The following ZNF419 variants were observed in gnomAD, a reference collection of about 807,000 sequenced individuals.
ZNF419 encodes the protein zinc finger protein 419.
ZNF419 carries 8 observed loss-of-function variants against 14.9 expected under a neutral mutation model. The ratio of observed to expected loss-of-function variants is 0.54; its 90% CI spans 0.32 to 0.97. The LOEUF (loss-of-function observed/expected upper bound fraction) is 0.97, where lower values mean the gene tolerates loss of function less well. ZNF419 is among the 50% of genes least tolerant of loss of function. ZNF419 has a pLI of 0.04. For missense variants in ZNF419, 595 were observed against 607.2 expected, an observed-to-expected ratio of 0.98 and a Z score of 0.21; for synonymous variants, 211 against 205.3, an observed-to-expected ratio of 1.03 and a Z score of -0.24.
chr19:57,488,187 C>T (rs979024065), intron 1 of ZNF419: 26 of 743,016 alleles, frequency 3.5e-5, no homozygotes, highest in Middle Eastern at 7.8e-4. Context: ...CCTGAGGCCT[C>T]CTGGTGTCTG....
intron 2 of ZNF419, chr19:57,491,058 G>GA (rs2089469536): frequency 5.3e-6 from 1 of 189,822 alleles, no homozygotes; most frequent in African/African-American, 2.3e-5. Flanking sequence ...ACTAGGGGAA[G>GA]CACATGAGGT....
At chr19:57,491,080 T>G in intron 2 of ZNF419, 4 of 208,678 alleles carry the variant, frequency 1.9e-5, no homozygotes, top group South Asian at 9.0e-5. Flanking sequence ...ATGTAGAGGG[T>G]AGTGGTTGTG....
intron 1 of ZNF419, 68 bp from the exon 2 acceptor site, chr19:57,490,079 G>A: frequency 6.7e-7 from 1 of 1,486,874 alleles, no homozygotes; most frequent in Non-Finnish European, 9.3e-7. Context: ...CTCCAGGCTA[G>A]ACGAGTGGGC....
intron 2 of ZNF419, 45 bp downstream of exon 2, chr19:57,490,230 C>T (rs568372900): frequency 6.3e-7 from 1 of 1,581,748 alleles, no homozygotes; most frequent in African/African-American, 1.3e-5. Context: ...GCACTCCTAC[C>T]TACATGGTCT....
Position 57,492,969 on chromosome 19 carries a change from A to G in ZNF419, c.412A>G (p.Lys138Glu), listed in dbSNP as rs375291640. Residue 138 changes from lysine to glutamate, a missense_variant, in exon 5 of 5, where the codon AAA (lysine) becomes GAA (glutamate). Physicochemically the swap from Lys to Glu is moderately conservative, Grantham distance 56 (BLOSUM62 1). Transcript: ENST00000221735. ...QKQHCGEKPLKRQEGRVPVLR... is the reference protein window; with the variant it reads ...QKQHCGEKPLERQEGRVPVLR... ...GCAGCACTGTGGAGAGAAACCCTTAAAAAGACAAGAGGGCAGGGTCCCAGT... is the reference window on the plus strand; with the variant it reads ...GCAGCACTGTGGAGAGAAACCCTTAGAAAGACAAGAGGGCAGGGTCCCAGT... The G allele has an allele frequency of 3.1e-6, 5 of 1,614,044 alleles. No homozygotes were observed. The highest frequency in any genetic ancestry group is 2.7e-5 in the African/African-American group (2 of 74,928).
intron 1 of ZNF419, chr19:57,489,892 A>G (rs1170328108): frequency 4.0e-6 from 2 of 500,476 alleles, no homozygotes; most frequent in Non-Finnish European, 7.3e-6. Flanking sequence ...TCCTAGACAC[A>G]TAAGAATGAG....
At chr19:57,492,617 T>C (rs773024755) in intron 4 of ZNF419, 20 of 756,498 alleles carry the variant, frequency 2.6e-5, no homozygotes, top group Admixed American at 3.5e-5. Context: ...GGACACTGCC[T>C]CTCCTCCCTG....
chr19:57,492,572 T>C, intron 4 of ZNF419: 4 of 752,576 alleles, frequency 5.3e-6, no homozygotes, highest in East Asian at 5.0e-5. Context: ...GCAGCCAAAG[T>C]CCTGTGGAAA....
At chr19:57,490,930 GT>G (rs1480954952) in intron 2 of ZNF419, 3 of 161,116 alleles carry the variant, frequency 1.9e-5, no homozygotes, top group African/African-American at 7.2e-5. Flanking sequence ...GGCCTTCAAA[GT>G]GGGGCTGAGG....
chr19:57,490,058 G>T, intron 1 of ZNF419, 89 bp from the exon 2 acceptor site: 3 of 1,267,408 alleles, frequency 2.4e-6, no homozygotes, highest in Non-Finnish European at 3.4e-6. Flanking sequence ...TAGATAGTCA[G>T]GCACACCTGA....
Position 57,495,985 on chromosome 19 carries a change from G to A in ZNF419, c.*1895G>A, listed in dbSNP as rs532605957. The A allele has an allele frequency of 6.6e-6, 1 of 152,130 alleles. No homozygotes were observed. Among genetic ancestry groups the A allele is most frequent in the African/African-American group, 2.4e-5 (1 of 41,514 alleles). 9.4% of individuals were successfully genotyped at this position (152,130 alleles called of 1,614,324 possible). ...GGTTTATATCATTTTTTAATAAAAG[G>A]AACCAGAACTCCTTAGAGAAGAGGC... On this transcript the variant is annotated 3_prime_UTR_variant, in exon 5 of 5. Transcript: ENST00000221735.
At position 57,495,189 on chromosome 19, in the gene ZNF419, G is replaced by A. The variant is rs1415694199; in HGVS notation, c.*1099G>A. ...TTTCTTTTTTAAAATTTAGAGATGA[G>A]GTCGTGCTATGTTGCACAGACTAGT... is the stretch of plus-strand genomic sequence containing the variant. On this transcript the variant is annotated 3_prime_UTR_variant, in exon 5 of 5. Coordinates refer to ENST00000221735, the MANE Select transcript of ZNF419 (RefSeq NM_024691.4). 3 of 152,118 alleles carry A rather than the reference G, an allele frequency of 2.0e-5. No individual in the cohort carries two copies. The highest frequency in any genetic ancestry group is 7.2e-5 in the African/African-American group (3 of 41,488). The allele number at this position is 152,118 out of a possible 1,614,324, so 9.4% of individuals were successfully genotyped here.
In ZNF419 at chr19:57,493,479, A is replaced by G. The variant is rs1381095160; in HGVS notation, c.922A>G (p.Ile308Val). 9.3e-6 allele frequency: 15 copies of G among 1,613,806 alleles called. No homozygotes were observed. The highest frequency in any genetic ancestry group is 1.2e-5 in the Non-Finnish European group (14 of 1,179,962). Residue 308 changes from isoleucine to valine, a missense_variant, in exon 5 of 5, where the codon ATC becomes GTC. By Grantham distance (29) the Ile-to-Val change is conservative (BLOSUM62 3). Transcript: ENST00000221735. Reference sequence around the variant, plus strand: ...TTCCACACTTGTTCAGCATCACAAAATCCACACTGGAGTAAGGCCTTATGA... The same window carrying G: ...TTCCACACTTGTTCAGCATCACAAAGTCCACACTGGAGTAAGGCCTTATGA... The part of the protein sequence containing the change: ...HNSTLVQHHK[I>V]HTGVRPYECS...
intron 1 of ZNF419, chr19:57,488,823 C>T (rs1266734605): frequency 1.3e-5 from 2 of 152,068 alleles, no homozygotes; most frequent in Admixed American, 6.6e-5. Flanking sequence ...TTAAGGTTCC[C>T]TTTCAGATGG....
At chr19:57,489,112 G>T (rs1218244443) in intron 1 of ZNF419, 1 of 152,358 alleles carries the variant, frequency 6.6e-6, no homozygotes, top group Non-Finnish European at 1.5e-5. Flanking sequence ...CTAGCCGTCA[G>T]CACAGGAGGG....
chr19:57,490,403 G>A (rs764881451), intron 2 of ZNF419: 38 of 340,996 alleles, frequency 1.1e-4, no homozygotes, highest in Non-Finnish European at 1.7e-4. Flanking sequence ...TGCCCAGGCT[G>A]GAGTGCAAAG....
Position 57,487,956 on chromosome 19 carries a change from G to A in ZNF419, c.6G>A (p.Ala2=). 12 of 1,613,820 alleles carry A rather than the reference G, an allele frequency of 7.4e-6. No homozygotes were observed. Among genetic ancestry groups the A allele is most frequent in the Non-Finnish European group, 1.0e-5 (12 of 1,179,902 alleles). ...AGCTCTACTCACAGGCTCCGATGGCGGCGGCCGCCCTGAGGGACCCCGCTC... is the reference window on the plus strand; with the variant it reads ...AGCTCTACTCACAGGCTCCGATGGCAGCGGCCGCCCTGAGGGACCCCGCTC... M[A]AAALRDPAQV... Residue 2 remains alanine, a synonymous_variant, in exon 1 of 5, where the codon GCG becomes GCA. Transcript: ENST00000221735.
At position 57,491,199 on chromosome 19, in the gene ZNF419, C is replaced by T. The variant is rs113229624; in HGVS notation, c.73-272C>T. 3.7e-3 allele frequency: 1,887 copies of T among 503,744 alleles called. 31 individuals are homozygous for T. The highest frequency in any genetic ancestry group is 0.031 in the African/African-American group (1,596 of 52,210). 31.2% of individuals were successfully genotyped at this position (503,744 alleles called of 1,614,324 possible). On this transcript the variant is annotated intron_variant, in intron 2 of 4. Transcript: ENST00000221735. ...CAAATTTGATTGTATTTGAGAAACA[C>T]AGTCTAGGGGATCCAAGGTAAATTG...
chr19:57,494,091 T>C lies in ZNF419; in HGVS notation c.*1T>C, dbSNP rs773466269. 3.8e-6 allele frequency: 6 copies of C among 1,586,664 alleles called. No individual in the cohort carries two copies. In the East Asian group the frequency reaches 1.1e-4, roughly 30 times the overall value. On this transcript the variant is annotated 3_prime_UTR_variant, in exon 5 of 5. Coordinates refer to ENST00000221735, the MANE Select transcript of ZNF419 (RefSeq NM_024691.4). ...GATTCACACTGGAGAAATGCAGTGA[T>C]TGTGTGAAATCCTTTAGCCAGCGTT...
Sources: gnomAD v4.1 joint callset for allele counts on GRCh38, gnomAD v4.1.1 for gene constraint, MANE v1.5 for transcripts, NCBI Gene and HGNC (gene_info 2026-07-23, HGNC 2026-07-21) for gene names.